Variants in NXPE2 observed in about 807,000 individuals in gnomAD.
NXPE2 encodes neurexophilin and PC-esterase domain family member 2, also known as NXPE family member 2.
A neutral mutation model predicts 34.4 loss-of-function variants in NXPE2; 34 were observed. The ratio of observed to expected loss-of-function variants is 0.99; its 90% CI spans 0.75 to 1.31. The LOEUF (loss-of-function observed/expected upper bound fraction) is 1.31, where lower values mean the gene tolerates loss of function less well. NXPE2 is among the 40% of genes most tolerant of loss of function. NXPE2 has a pLI of 0.00. For missense variants in NXPE2, 649 were observed against 672.5 expected (o/e 0.97, Z 0.39); for synonymous variants, 235 against 231.3 (o/e 1.02, Z -0.15).
At chr11:114,580,679 C>G in the NXPE2 span, among the ~76,000 whole-genome samples, 2 of 152,142 alleles carry the variant, frequency 1.3e-5, no homozygotes, top group African/African-American at 4.8e-5. Context: ...CTCAATTATC[C>G]TATCATTTTA....
At chr11:114,772,890 C>T in the NXPE2 span, among the ~76,000 whole-genome samples, 28 of 152,168 alleles carry the variant, frequency 1.8e-4, no homozygotes, top group Non-Finnish European at 3.8e-4. Context: ...TTCATCAGAG[C>T]ATTATTGAAC....
chr11:114,778,928 A>T, the NXPE2 span, among the ~76,000 whole-genome samples: 1 of 152,264 alleles, frequency 6.6e-6, no homozygotes, highest in Non-Finnish European at 1.5e-5. Context: ...TTGTGGCTTT[A>T]AAGTTCTTAA....
the NXPE2 span, among the ~76,000 whole-genome samples, chr11:114,745,454 C>A: frequency 3.9e-5 from 6 of 152,172 alleles, no homozygotes; most frequent in Non-Finnish European, 8.8e-5. Flanking sequence ...ATGTATCAAG[C>A]CATTAATGAA....
At chr11:114,801,918 C>G in the NXPE2 span, among the ~76,000 whole-genome samples, 1 of 152,052 alleles carries the variant, frequency 6.6e-6, no homozygotes, top group Admixed American at 6.5e-5. Flanking sequence ...TACCAGACAG[C>G]GGAGAGGCAT....
the NXPE2 span, chr11:114,551,524 G>A: frequency 3.5e-6 from 2 of 566,338 alleles, no homozygotes; most frequent in Admixed American, 5.7e-5. Flanking sequence ...CAATTACAAT[G>A]AGAAGCAGAA....
At chr11:114,585,749 G>T in the NXPE2 span, among the ~76,000 whole-genome samples, 2 of 152,094 alleles carry the variant, frequency 1.3e-5, no homozygotes, top group Non-Finnish European at 2.9e-5. Flanking sequence ...ACAAAAAGGA[G>T]CCCCCAAATC....
chr11:114,602,173 A>T, the NXPE2 span, among the ~76,000 whole-genome samples: 1 of 107,370 alleles, frequency 9.3e-6, no homozygotes, highest in Admixed American at 1.4e-4. Context: ...ATAATATATT[A>T]TACTATATAC....
chr11:114,786,142 A>C, the NXPE2 span, among the ~76,000 whole-genome samples: 14 of 152,294 alleles, frequency 9.2e-5, no homozygotes, highest in South Asian at 2.9e-3. Context: ...CTGAATTTGT[A>C]CTGAGCTTTG....
At chr11:114,672,915 C>T in the NXPE2 span, among the ~76,000 whole-genome samples, 6 of 151,254 alleles carry the variant, frequency 4.0e-5, no homozygotes, top group Non-Finnish European at 8.9e-5. Context: ...GACAGAATAA[C>T]AGTAAGAAAA....
the NXPE2 span, among the ~76,000 whole-genome samples, chr11:114,575,884 C>T: frequency 2.6e-5 from 4 of 152,178 alleles, no homozygotes; most frequent in Admixed American, 1.3e-4. Flanking sequence ...AAAGAGCCCA[C>T]ATAGACAAAG....
the NXPE2 span, chr11:114,583,609 A>G: frequency 1.7e-6 from 1 of 594,164 alleles, no homozygotes; most frequent in Non-Finnish European, 3.3e-6. Flanking sequence ...GCTCTGTGGC[A>G]AGTGCTGTGA....
the NXPE2 span, among the ~76,000 whole-genome samples, chr11:114,761,760 G>A: frequency 9.9e-5 from 15 of 151,210 alleles, no homozygotes; most frequent in African/African-American, 3.4e-4. Context: ...ATTTTTAGTA[G>A]AGACGGGGTT....
chr11:114,639,141 C>G, the NXPE2 span, among the ~76,000 whole-genome samples: 1 of 152,042 alleles, frequency 6.6e-6, no homozygotes, highest in African/African-American at 2.4e-5. Context: ...TTCCCGGCTG[C>G]TTTGTTTACC....
chr11:114,601,784 A>ATTATATATAATTATAATAT, the NXPE2 span, among the ~76,000 whole-genome samples: 1 of 72,226 alleles, frequency 1.4e-5, no homozygotes, highest in Non-Finnish European at 2.3e-5. Flanking sequence ...ATAATTATAT[A>ATTATATATAATTATAATAT]ACATGTGATA....
the NXPE2 span, among the ~76,000 whole-genome samples, chr11:114,589,849 G>A: frequency 6.6e-6 from 1 of 152,134 alleles, no homozygotes; most frequent in East Asian, 1.9e-4. Context: ...AATATTAGGA[G>A]CACAAAAACC....
At chr11:114,629,502 G>T in the NXPE2 span, among the ~76,000 whole-genome samples, 7,351 of 151,256 alleles carry the variant, frequency 0.049, 592 homozygotes, top group African/African-American at 0.17. Flanking sequence ...AATAAATTAG[G>T]TATTGATGGG....
the NXPE2 span, among the ~76,000 whole-genome samples, chr11:114,724,843 G>GA: frequency 8.5e-6 from 1 of 117,036 alleles, no homozygotes; most frequent in Non-Finnish European, 1.7e-5. Flanking sequence ...GGCTTCCATG[G>GA]CTTTTTTTTT....
chr11:114,772,639 C>G, the NXPE2 span, among the ~76,000 whole-genome samples: 1 of 152,040 alleles, frequency 6.6e-6, no homozygotes, highest in Non-Finnish European at 1.5e-5. Context: ...CTGAATCAAG[C>G]AGAGAAGAGG....
At chr11:114,671,759 A>G in the NXPE2 span, among the ~76,000 whole-genome samples, 1 of 152,098 alleles carries the variant, frequency 6.6e-6, no homozygotes, top group Non-Finnish European at 1.5e-5. Flanking sequence ...GAGAGCATTC[A>G]TAGCCAACAG....
Sources: gnomAD v4.1 joint callset for allele counts (sites outside exome capture counted in the v4.1 genomes callset) on GRCh38, gnomAD v4.1.1 for gene constraint, MANE v1.5 for transcripts, NCBI Gene and HGNC (gene_info 2026-07-23, HGNC 2026-07-21) for gene names.